Variants in PRH1 observed in about 807,000 individuals in gnomAD.
PRH1 encodes salivary acidic proline-rich phosphoprotein 1/2.
A neutral mutation model predicts 7.9 loss-of-function variants in PRH1; 7 were observed. The ratio of observed to expected loss-of-function variants is 0.89; its 90% CI spans 0.50 to 1.67. The LOEUF is 1.67. PRH1 is among the 40% of genes most tolerant of loss of function. PRH1 has a pLI of 0.00. For synonymous variants in PRH1, 45 were observed against 80.8 expected (o/e 0.56, Z 2.38); for missense variants, 109 against 223.6 (o/e 0.49, Z 3.27).
chr12:10,896,775 AAGAG>A (rs555142190), intron 2 of PRH1: 1 of 151,762 alleles, frequency 6.6e-6, no homozygotes, highest in African/African-American at 2.4e-5. Context: ...AAAAAAAAAA[AAGAG>A]AGAGAGAGTA....
intron 1 of PRH1, among the ~76,000 whole-genome samples, chr12:11,031,870 G>T (rs914321174): frequency 6.6e-6 from 1 of 152,184 alleles, no homozygotes; most frequent in Admixed American, 6.5e-5. Context: ...ATCTCTCAAT[G>T]TAATATAACT....
intron 1 of PRH1, among the ~76,000 whole-genome samples, chr12:11,004,428 C>T (rs1940731399): frequency 6.6e-6 from 1 of 152,110 alleles, no homozygotes; most frequent in South Asian, 2.1e-4. Context: ...ATTGAGTGAA[C>T]CCGGAGGCGG....
intron 1 of PRH1, chr12:11,030,270 C>A: frequency 1.6e-6 from 2 of 1,255,246 alleles, no homozygotes; most frequent in South Asian, 1.8e-5. Context: ...AATATTAGGT[C>A]AAAGGCTTTT....
At chr12:11,011,540 C>G (rs1218328097) in intron 1 of PRH1, among the ~76,000 whole-genome samples, 3 of 152,090 alleles carry the variant, frequency 2.0e-5, no homozygotes, top group Admixed American at 6.6e-5. Context: ...CTTGTTTAAC[C>G]TCTCCATAAT....
At chr12:11,171,204 C>T (rs1041509387) in intron 1 of PRH1, 62 of 426,296 alleles carry the variant, frequency 1.5e-4, no homozygotes, top group South Asian at 2.7e-4. Flanking sequence ...GGCTACGCGC[C>T]GCACTGCACC....
intron 2 of PRH1, among the ~76,000 whole-genome samples, chr12:10,933,439 A>AT (rs1950242041): frequency 6.6e-6 from 1 of 151,972 alleles, no homozygotes; most frequent in Non-Finnish European, 1.5e-5. Flanking sequence ...TTGAAAAAAA[A>AT]TTTTTTGATA....
intron 1 of PRH1, among the ~76,000 whole-genome samples, chr12:11,081,104 G>C (rs912891259): frequency 2.4e-4 from 22 of 92,088 alleles, no homozygotes; most frequent in Non-Finnish European, 3.8e-4. Flanking sequence ...CCCCTCTACT[G>C]TTACAGAACT....
chr12:11,043,080 A>G (rs1201654187), intron 1 of PRH1, among the ~76,000 whole-genome samples: 3 of 152,234 alleles, frequency 2.0e-5, no homozygotes, highest in Admixed American at 2.0e-4. Flanking sequence ...TACATTAAAA[A>G]GATAATTCCT....
chr12:11,040,283 A>G (rs932835341), intron 1 of PRH1, among the ~76,000 whole-genome samples: 6 of 152,156 alleles, frequency 3.9e-5, no homozygotes, highest in Non-Finnish European at 5.9e-5. Context: ...CTAAGAGAGG[A>G]TTTTGGAGTC....
chr12:11,021,416 A>C (rs796275007), intron 1 of PRH1, among the ~76,000 whole-genome samples: 6,815 of 62,038 alleles, frequency 0.11, no homozygotes, highest in East Asian at 0.24. Flanking sequence ...ATAAAATATA[A>C]ATACTATATA....
At chr12:11,046,799 C>T (rs1192862876) in intron 1 of PRH1, among the ~76,000 whole-genome samples, 1 of 152,068 alleles carries the variant, frequency 6.6e-6, no homozygotes, top group African/African-American at 2.4e-5. Context: ...TTCCCTCTTT[C>T]TTTGGCCCAC....
chr12:10,993,830 A>AGTG (rs1377465626), intron 1 of PRH1, among the ~76,000 whole-genome samples: 1 of 152,204 alleles, frequency 6.6e-6, no homozygotes, highest in Admixed American at 6.5e-5. Context: ...ATGCATGCAT[A>AGTG]GTGGGCATTA....
At chr12:11,113,226 A>C (rs980410345) in intron 1 of PRH1, among the ~76,000 whole-genome samples, 2 of 152,222 alleles carry the variant, frequency 1.3e-5, no homozygotes, top group Non-Finnish European at 2.9e-5. Context: ...AGAAATTCAC[A>C]TGGAACCAAA....
chr12:10,931,133 A>G (rs1950205749), intron 2 of PRH1: 1 of 1,586,474 alleles, frequency 6.3e-7, no homozygotes, highest in Non-Finnish European at 8.5e-7. Context: ...CAGTTCTCCA[A>G]CTTCATTGTG....
At chr12:10,996,090 T>C (rs1229983478) in intron 1 of PRH1, among the ~76,000 whole-genome samples, 1 of 151,702 alleles carries the variant, frequency 6.6e-6, no homozygotes, top group East Asian at 1.9e-4. Context: ...GCTGAGGCAG[T>C]GGATCACTTG....
chr12:11,160,087 T>A (rs760228259), intron 1 of PRH1, among the ~76,000 whole-genome samples: 39 of 152,236 alleles, frequency 2.6e-4, no homozygotes, highest in Non-Finnish European at 4.7e-4. Flanking sequence ...CATTTTTCAC[T>A]AATTTGCATT....
chr12:10,969,505 T>C (rs549806888), intron 2 of PRH1, among the ~76,000 whole-genome samples: 2 of 152,292 alleles, frequency 1.3e-5, no homozygotes, highest in South Asian at 2.1e-4. Context: ...CACCTTCACA[T>C]AGTATTTCAT....
At chr12:10,882,740 A>G in intron 2 of PRH1, 42 bp from the exon 3 acceptor site, 1 of 1,598,590 alleles carries the variant, frequency 6.3e-7, no homozygotes, top group Non-Finnish European at 8.5e-7. Context: ...CATGCTGGAA[A>G]ACCCTCCTGT....
intron 1 of PRH1, among the ~76,000 whole-genome samples, chr12:11,026,444 A>G (rs1339332737): frequency 1.0e-5 from 1 of 98,464 alleles, no homozygotes; most frequent in East Asian, 2.9e-4. Flanking sequence ...ATTGAAATAG[A>G]TATGTATGGC....
Sources: gnomAD v4.1 joint callset for allele counts (sites outside exome capture counted in the v4.1 genomes callset) on GRCh38, gnomAD v4.1.1 for gene constraint, MANE v1.5 for transcripts, NCBI Gene and HGNC (gene_info 2026-07-23, HGNC 2026-07-21) for gene names.